The following PUDP variants were observed in gnomAD, a reference collection of about 807,000 sequenced individuals.
PUDP encodes pseudouridine 5'-phosphatase, also known as pseudouridine-5'-phosphatase.
PUDP carries 8 observed loss-of-function variants against 9.4 expected under a neutral mutation model. The observed-to-expected ratio is 0.85, with a 90% CI of 0.50 to 1.53. PUDP has a LOEUF of 1.53. Ranked by LOEUF, PUDP falls within the 40% of genes most tolerant of loss-of-function variation. PUDP has a pLI of 0.00. For synonymous variants in PUDP, 99 were observed against 80.7 expected (o/e 1.23, Z -1.22); for missense variants, 188 against 189.7 (o/e 0.99, Z 0.05).
At chrX:6,902,193 C>A (rs936693300) in intron 3 of PUDP, among the ~76,000 whole-genome samples, 6 of 112,085 alleles carry the variant, frequency 5.4e-5, no homozygotes, top group African/African-American at 1.9e-4. Context: ...TTTTCCAACA[C>A]TTGGGTTTCA....
intron 3 of PUDP, among the ~76,000 whole-genome samples, chrX:6,728,292 G>C (rs184960428): frequency 9.0e-6 from 1 of 111,116 alleles, no homozygotes; most frequent in Non-Finnish European, 1.9e-5. Flanking sequence ...GGAGGCCGAG[G>C]CAGGAGGATC....
At chrX:6,786,222 A>C (rs1428857159) in intron 3 of PUDP, among the ~76,000 whole-genome samples, 1 of 111,883 alleles carries the variant, frequency 8.9e-6, no homozygotes, top group African/African-American at 3.2e-5. Context: ...GGCACCAGGA[A>C]CACAGAAGTG....
intron 3 of PUDP, among the ~76,000 whole-genome samples, chrX:6,867,869 C>T (rs768801853): frequency 5.4e-5 from 6 of 111,442 alleles, no homozygotes; most frequent in Non-Finnish European, 7.5e-5. Flanking sequence ...TGAGGAACTT[C>T]GTGCAGTATA....
chrX:6,747,847 C>T (rs981340497), intron 3 of PUDP, among the ~76,000 whole-genome samples: 9 of 111,950 alleles, frequency 8.0e-5, no homozygotes, highest in Middle Eastern at 4.6e-3. Context: ...AATCTTCATG[C>T]GTCTTTATTT....
intron 1 of PUDP, among the ~76,000 whole-genome samples, chrX:7,113,934 C>G (rs1602801883): frequency 9.0e-6 from 1 of 111,265 alleles, no homozygotes; most frequent in Non-Finnish European, 1.9e-5. Context: ...ACTGAGAAGT[C>G]CAACGTCGAG....
chrX:6,863,164 C>T, intron 3 of PUDP, among the ~76,000 whole-genome samples: 1 of 111,857 alleles, frequency 8.9e-6, no homozygotes, highest in East Asian at 2.8e-4. Flanking sequence ...ATTATCCTGC[C>T]TCAACCTCCC....
chrX:6,833,591 A>G (rs1483040816), intron 3 of PUDP, among the ~76,000 whole-genome samples: 1 of 111,934 alleles, frequency 8.9e-6, no homozygotes, highest in African/African-American at 3.2e-5. Context: ...GAATGGTTGG[A>G]TGGACGGATG....
intron 3 of PUDP, among the ~76,000 whole-genome samples, chrX:7,050,998 C>T (rs1930085318): frequency 8.9e-6 from 1 of 111,788 alleles, no homozygotes; most frequent in Non-Finnish European, 1.9e-5. Flanking sequence ...AGTGTGCGTG[C>T]ATGCTCTCTT....
intron 3 of PUDP, among the ~76,000 whole-genome samples, chrX:7,070,103 A>C (rs928555031): frequency 4.5e-5 from 5 of 111,761 alleles, no homozygotes; most frequent in Non-Finnish European, 9.4e-5. Context: ...ACTGCACCTA[A>C]GAGGGTAGAG....
At chrX:6,967,227 C>G (rs1039398715) in intron 3 of PUDP, among the ~76,000 whole-genome samples, 1 of 111,961 alleles carries the variant, frequency 8.9e-6, no homozygotes, top group Non-Finnish European at 1.9e-5. Context: ...GTTCCTCCCC[C>G]ATGCTGCTAG....
At chrX:6,958,745 C>CA (rs138391788) in intron 3 of PUDP, among the ~76,000 whole-genome samples, 5,993 of 60,600 alleles carry the variant, frequency 0.099, 252 homozygotes, top group African/African-American at 0.12. Flanking sequence ...AATGCCATCT[C>CA]AAAAAAAAAA....
intron 1 of PUDP, among the ~76,000 whole-genome samples, chrX:6,713,229 T>G (rs1331214478): frequency 1.8e-5 from 2 of 111,724 alleles, no homozygotes; most frequent in Non-Finnish European, 1.9e-5. Flanking sequence ...TTTAACTTTG[T>G]TTTTTTCCAT....
At chrX:6,886,090 G>A (rs1275618718) in intron 3 of PUDP, among the ~76,000 whole-genome samples, 1 of 112,083 alleles carries the variant, frequency 8.9e-6, no homozygotes, top group Non-Finnish European at 1.9e-5. Flanking sequence ...GCATCTAACT[G>A]TAAAATAAAC....
At chrX:6,948,297 C>T (rs6638642) in intron 3 of PUDP, among the ~76,000 whole-genome samples, 18,471 of 111,149 alleles carry the variant, frequency 0.17, 1,408 homozygotes, top group Admixed American at 0.31. Flanking sequence ...GAAACCGACA[C>T]CTTGTCTTCT....
intron 3 of PUDP, among the ~76,000 whole-genome samples, chrX:6,809,264 T>G (rs1926101990): frequency 9.0e-6 from 1 of 110,691 alleles, no homozygotes; most frequent in Non-Finnish European, 1.9e-5. Flanking sequence ...AATTCATACA[T>G]CCCATGGGTT....
rs190269710 is a variant in PUDP, at chrX:6,738,405, C to T, written c.*248-31939G>A. Among the ~76,000 whole-genome samples, 3 of 111,707 alleles carry T rather than the reference C, an allele frequency of 2.7e-5. No individual in the cohort carries two copies. The East Asian group carries it at 8.4e-4, about 31-fold the overall frequency. Reference sequence around the variant, plus strand: ...GATGAGTAGTTCCCAACTCTGTCTGCACCTTAGAACCACCTGGGGAGGCTT... The same window carrying T: ...GATGAGTAGTTCCCAACTCTGTCTGTACCTTAGAACCACCTGGGGAGGCTT... On this transcript the variant is annotated intron_variant and NMD_transcript_variant, in intron 3 of 3. Coordinates refer to the PUDP transcript ENST00000655425.
chrX:6,920,454 G>C (rs1054190905), intron 3 of PUDP, among the ~76,000 whole-genome samples: 3 of 111,146 alleles, frequency 2.7e-5, no homozygotes, highest in South Asian at 3.8e-4. Flanking sequence ...AAATTATCTT[G>C]GGCCCCCAAA....
intron 3 of PUDP, among the ~76,000 whole-genome samples, chrX:6,976,099 T>C (rs1423732994): frequency 1.8e-5 from 2 of 112,129 alleles, no homozygotes; most frequent in Non-Finnish European, 3.8e-5. Context: ...GTGCCAGCAG[T>C]GAGAATTTCA....
intron 3 of PUDP, among the ~76,000 whole-genome samples, chrX:6,766,726 C>T (rs1270516659): frequency 1.8e-5 from 2 of 111,527 alleles, no homozygotes; most frequent in African/African-American, 6.5e-5. Context: ...TCATGTTGTC[C>T]TTTTAAAGCC....
Sources: allele counts gnomAD v4.1 joint callset (sites outside exome capture counted in the v4.1 genomes callset), GRCh38; gene constraint gnomAD v4.1.1; transcripts MANE v1.5; gene names NCBI Gene and HGNC (gene_info 2026-07-23, HGNC 2026-07-21).